PCSK5: variants seen among roughly 807,000 people sequenced by gnomAD.
PCSK5 encodes the protein prohormone convertase 5.
In PCSK5, 129 loss-of-function variants were observed where a neutral mutation model predicts 233.2. The ratio of observed to expected loss-of-function variants is 0.55; its 90% CI spans 0.48 to 0.64. The LOEUF (loss-of-function observed/expected upper bound fraction) is 0.64, where lower values mean the gene tolerates loss of function less well. Among genes scored for constraint, PCSK5 ranks in the 30% least tolerant of loss-of-function variants. The pLI, the probability that PCSK5 is intolerant of heterozygous loss-of-function variation, is 0.00. For missense variants in PCSK5, 2,076 were observed against 2,430.1 expected (o/e 0.85, Z 3.06); for synonymous variants, 825 against 879.2 (o/e 0.94, Z 1.09).
At chr9:75,949,303 A>G (rs1203919364) in intron 2 of PCSK5, among the ~76,000 whole-genome samples, 2 of 151,820 alleles carry the variant, frequency 1.3e-5, no homozygotes, top group Non-Finnish European at 2.9e-5. Context: ...ACTGAGGCAT[A>G]ACTTTTTTTT....
chr9:76,021,637 C>T (rs1156960400), intron 3 of PCSK5, among the ~76,000 whole-genome samples: 1 of 152,158 alleles, frequency 6.6e-6, no homozygotes, highest in Non-Finnish European at 1.5e-5. Context: ...GTCATAAAAA[C>T]ATGGGTGCAC....
chr9:76,197,841 A>G (rs543222895), intron 20 of PCSK5, among the ~76,000 whole-genome samples: 1 of 152,204 alleles, frequency 6.6e-6, no homozygotes, highest in Non-Finnish European at 1.5e-5. Context: ...TCTGGTGAAC[A>G]TCCCTTTCTA....
At chr9:75,963,962 C>A (rs1367230577) in intron 2 of PCSK5, among the ~76,000 whole-genome samples, 4 of 152,212 alleles carry the variant, frequency 2.6e-5, no homozygotes, top group Non-Finnish European at 5.9e-5. Context: ...GGTTCACATC[C>A]CAGCTCTGCA....
At chr9:76,254,913 G>A (rs1401193451) in intron 24 of PCSK5, among the ~76,000 whole-genome samples, 1 of 152,228 alleles carries the variant, frequency 6.6e-6, no homozygotes, top group African/African-American at 2.4e-5. Flanking sequence ...CTGCGGAGCT[G>A]TAAAATGCAG....
chr9:75,935,269 G>T (rs1587385148), intron 2 of PCSK5, among the ~76,000 whole-genome samples: 1 of 152,150 alleles, frequency 6.6e-6, no homozygotes, highest in East Asian at 1.9e-4. Context: ...AGGTTTCACT[G>T]TGTTAGCCAG....
At chr9:76,206,886 A>T (rs1825137082) in intron 20 of PCSK5, among the ~76,000 whole-genome samples, 1 of 152,000 alleles carries the variant, frequency 6.6e-6, no homozygotes, top group Non-Finnish European at 1.5e-5. Context: ...TTATTCCCTC[A>T]CACTTCTGGA....
chr9:76,036,673 C>T lies in PCSK5; in HGVS notation c.632+9636C>T, dbSNP rs761352138. Among the ~76,000 whole-genome samples the T allele has an allele frequency of 6.2e-4, 95 of 152,344 alleles. No individual in the cohort carries two copies. In the Middle Eastern group the frequency reaches 0.01, roughly 16 times the overall value. On this transcript the variant is annotated intron_variant, in intron 5 of 37. Coordinates refer to ENST00000674117, the MANE Select transcript of PCSK5 (RefSeq NM_001372043.1). ...GTACATCTGCATGTTGTCTCATTTA[C>T]TACTCACAACAACCCACATTCAGAG...
intron 20 of PCSK5, among the ~76,000 whole-genome samples, chr9:76,208,225 G>A (rs181921195): frequency 4.6e-5 from 7 of 152,140 alleles, no homozygotes; most frequent in African/African-American, 7.2e-5. Flanking sequence ...CATTCAAACC[G>A]TAGCAGGTCC....
chr9:75,992,851 G>GA (rs550216531), intron 3 of PCSK5, among the ~76,000 whole-genome samples: 78 of 151,972 alleles, frequency 5.1e-4, no homozygotes, highest in Middle Eastern at 3.4e-3. Context: ...TTTTCTGAAG[G>GA]AAAAAAAATT....
chr9:76,180,668 G>A (rs73458383), intron 15 of PCSK5, among the ~76,000 whole-genome samples: 2,186 of 152,080 alleles, frequency 0.014, 56 homozygotes, highest in African/African-American at 0.05. Context: ...GCTGCCACAC[G>A]GTTCCTCCAT....
intron 24 of PCSK5, among the ~76,000 whole-genome samples, chr9:76,275,485 C>T (rs1827662299): frequency 6.6e-6 from 1 of 152,160 alleles, no homozygotes; most frequent in Non-Finnish European, 1.5e-5. Context: ...AGTCCAGTGG[C>T]ATGATCTTGG....
chr9:76,058,438 G>A (rs557650688), intron 5 of PCSK5, among the ~76,000 whole-genome samples: 5 of 152,240 alleles, frequency 3.3e-5, no homozygotes, highest in African/African-American at 1.2e-4. Context: ...TTCTCAACCT[G>A]GGTAATAGAT....
At chr9:76,192,067 C>CAAAAAAAAA (rs5898457) in intron 20 of PCSK5, among the ~76,000 whole-genome samples, 6 of 101,196 alleles carry the variant, frequency 5.9e-5, no homozygotes, top group East Asian at 3.2e-4. Context: ...AAGACTGTCT[C>CAAAAAAAAA]AAAAAAAAAA....
intron 7 of PCSK5, among the ~76,000 whole-genome samples, chr9:76,082,311 G>A (rs1176305814): frequency 6.6e-6 from 1 of 152,194 alleles, no homozygotes; most frequent in East Asian, 1.9e-4. Context: ...TTCCCAGTCA[G>A]TCCTAAATAG....
intron 1 of PCSK5, among the ~76,000 whole-genome samples, chr9:75,894,596 T>A (rs1468733765): frequency 6.6e-6 from 1 of 152,224 alleles, no homozygotes; most frequent in East Asian, 1.9e-4. Context: ...TCATTGTTAG[T>A]TGTTGTCATG....
At chr9:76,093,884 C>CTAGGGTAGTT (rs1831401692) in intron 7 of PCSK5, among the ~76,000 whole-genome samples, 2 of 152,256 alleles carry the variant, frequency 1.3e-5, no homozygotes, top group African/African-American at 4.8e-5. Flanking sequence ...AGTCTGACCA[C>CTAGGGTAGTT]CCTCACCATA....
In PCSK5 at chr9:76,308,728, G is replaced by A; in HGVS notation, c.3688G>A (p.Gly1230Ser). Residue 1230 changes from glycine (G) to serine (S), a missense_variant and splice_region_variant, in exon 29 of 38, where the codon GGT becomes AGT. Transcript: ENST00000674117. ...SATLCTSCPK[G>S]AYLLAQACVS... ...AACTCTGTGCACTTCATGTCCCAAA[G>A]GTTAGTGTGTTGCGTGACAGAAGAT... 6.3e-7 allele frequency: 1 copy of A among 1,599,116 alleles called. No individual in the cohort carries two copies. The highest frequency in any genetic ancestry group is 8.6e-7 in the Non-Finnish European group (1 of 1,167,800).
chr9:76,144,015 C>A (rs10869710), intron 10 of PCSK5, among the ~76,000 whole-genome samples: 15,728 of 151,516 alleles, frequency 0.1, 1,254 homozygotes, highest in East Asian at 0.32. Context: ...TTAAAGAGAG[C>A]AAGTATACAT....
At chr9:76,030,228 G>T (rs573193957) in intron 5 of PCSK5, among the ~76,000 whole-genome samples, 1 of 151,852 alleles carries the variant, frequency 6.6e-6, no homozygotes, top group Admixed American at 6.6e-5. Flanking sequence ...TGTTCTGCTG[G>T]ATATTCATAA....
Sources: allele counts gnomAD v4.1 joint callset (sites outside exome capture counted in the v4.1 genomes callset), GRCh38; gene constraint gnomAD v4.1.1; transcripts MANE v1.5; gene names NCBI Gene and HGNC (gene_info 2026-07-23, HGNC 2026-07-21).